Variants in MCU observed in about 807,000 individuals in gnomAD.
MCU encodes the protein calcium uniporter protein, mitochondrial.
In MCU, 12 loss-of-function variants were observed where a neutral mutation model predicts 45.2. That is an observed-to-expected ratio of 0.27 (90% confidence interval 0.17 to 0.43). The LOEUF is 0.43. Among genes scored for constraint, MCU ranks in the 20% least tolerant of loss-of-function variants. The pLI, the probability that MCU is intolerant of heterozygous loss-of-function variation, is 1.00. For synonymous variants in MCU, 160 were observed against 165.1 expected, an observed-to-expected ratio of 0.97 and a Z score of 0.24; for missense variants, 324 against 436.7, an observed-to-expected ratio of 0.74 and a Z score of 2.30.
rs148841120 is a variant in MCU, at chr10:72,727,856, A to G, written c.150+35555A>G. 7.2e-5 allele frequency among the ~76,000 whole-genome samples: 11 copies of G among 152,236 alleles called. No homozygotes were observed. The East Asian group carries it at 2.1e-3, about 29-fold the overall frequency. On this transcript the variant is annotated intron_variant, in intron 1 of 7. Transcript: ENST00000373053. ...AAAAAATGTATGAAGAATGAATCAG[A>G]TCTCTTAGTTGAAATGACAAAGCCC...
chr10:72,865,943 A>AT (rs542186937), intron 4 of MCU, among the ~76,000 whole-genome samples: 1 of 151,178 alleles, frequency 6.6e-6, no homozygotes, highest in Non-Finnish European at 1.5e-5. Context: ...TGCCTGGCTA[A>AT]TTTTTTTGTA....
chr10:72,697,594 C>T (rs576975660), intron 1 of MCU, among the ~76,000 whole-genome samples: 9 of 151,792 alleles, frequency 5.9e-5, no homozygotes, highest in South Asian at 2.1e-4. Context: ...CCACCACGCC[C>T]GGCTAATGTT....
intron 4 of MCU, 80 bp from the exon 5 acceptor site, chr10:72,868,623 G>T: frequency 1.6e-6 from 2 of 1,278,852 alleles, no homozygotes; most frequent in Non-Finnish European, 2.2e-6. Context: ...TATAATGGAT[G>T]AATCTGCCTC....
intron 1 of MCU, among the ~76,000 whole-genome samples, chr10:72,796,290 T>C (rs2132771271): frequency 6.6e-6 from 1 of 151,760 alleles, no homozygotes; most frequent in African/African-American, 2.4e-5. Context: ...AAAAGGAAAA[T>C]TGGCCAGGTG....
intron 1 of MCU, among the ~76,000 whole-genome samples, chr10:72,751,695 C>G (rs966915128): frequency 6.6e-6 from 1 of 151,678 alleles, no homozygotes; most frequent in African/African-American, 2.4e-5. Flanking sequence ...CACAGGTTCC[C>G]GAGGGTCTGG....
At chr10:72,716,824 G>A (rs746103533) in intron 1 of MCU, among the ~76,000 whole-genome samples, 3 of 152,088 alleles carry the variant, frequency 2.0e-5, no homozygotes, top group Non-Finnish European at 2.9e-5. Flanking sequence ...AGTGAGCTGT[G>A]ATCACGCCAT....
chr10:72,824,497 C>T (rs1181942863), intron 1 of MCU, among the ~76,000 whole-genome samples: 1 of 151,924 alleles, frequency 6.6e-6, no homozygotes, highest in Admixed American at 6.6e-5. Context: ...GCGTGAGGCA[C>T]CGCGCCCGGC....
chr10:72,732,337 C>A (rs999995711), intron 1 of MCU, among the ~76,000 whole-genome samples: 5 of 152,134 alleles, frequency 3.3e-5, no homozygotes, highest in Non-Finnish European at 5.9e-5. Flanking sequence ...GGCATCTATT[C>A]ATTTAGTTAA....
At chr10:72,820,958 G>A (rs979203624) in intron 1 of MCU, among the ~76,000 whole-genome samples, 3 of 151,730 alleles carry the variant, frequency 2.0e-5, no homozygotes, top group Non-Finnish European at 2.9e-5. Context: ...AGACTCCAGA[G>A]AATAATCTGC....
chr10:72,785,057 C>CCA (rs1228044300), intron 1 of MCU, among the ~76,000 whole-genome samples: 6 of 152,156 alleles, frequency 3.9e-5, no homozygotes, highest in African/African-American at 1.4e-4. Context: ...TTTTCCTTTT[C>CCA]CAGGGCTCTT....
At chr10:72,864,260 G>A (rs1845420916) in intron 4 of MCU, among the ~76,000 whole-genome samples, 1 of 152,082 alleles carries the variant, frequency 6.6e-6, no homozygotes, top group East Asian at 1.9e-4. Flanking sequence ...AGTAAAAATT[G>A]ATCTCCTGCA....
chr10:72,749,912 G>T (rs575457680), intron 1 of MCU, among the ~76,000 whole-genome samples: 108 of 151,638 alleles, frequency 7.1e-4, no homozygotes, highest in Admixed American at 1.8e-3. Flanking sequence ...GACTACAGGC[G>T]TGTGCTACCA....
chr10:72,750,343 T>C (rs1843476818), intron 1 of MCU, among the ~76,000 whole-genome samples: 2 of 152,216 alleles, frequency 1.3e-5, no homozygotes, highest in South Asian at 4.1e-4. Context: ...GATGTTTCCT[T>C]TTAATTGTGT....
At chr10:72,867,723 T>C (rs887256913) in intron 4 of MCU, among the ~76,000 whole-genome samples, 1 of 151,740 alleles carries the variant, frequency 6.6e-6, no homozygotes, top group Non-Finnish European at 1.5e-5. Flanking sequence ...GGCATGGTGG[T>C]GGGCGCCTGT....
chr10:72,754,802 C>A (rs1266191715), intron 1 of MCU, among the ~76,000 whole-genome samples: 3 of 152,042 alleles, frequency 2.0e-5, no homozygotes, highest in Non-Finnish European at 2.9e-5. Context: ...TGCACTCCAG[C>A]CTGGGCTTAG....
chr10:72,735,510 C>T (rs1466545325), intron 1 of MCU, among the ~76,000 whole-genome samples: 2 of 152,024 alleles, frequency 1.3e-5, no homozygotes, highest in Non-Finnish European at 2.9e-5. Context: ...GCATGGTGTC[C>T]AGAATGAGGA....
At chr10:72,807,625 T>G (rs1844472224) in intron 1 of MCU, among the ~76,000 whole-genome samples, 1 of 152,166 alleles carries the variant, frequency 6.6e-6, no homozygotes, top group Non-Finnish European at 1.5e-5. Flanking sequence ...TTTACTTCTT[T>G]CACCATATAC....
intron 1 of MCU, among the ~76,000 whole-genome samples, chr10:72,710,844 T>G (rs1842883532): frequency 6.6e-6 from 1 of 152,080 alleles, no homozygotes; most frequent in Non-Finnish European, 1.5e-5. Context: ...TACACCTATC[T>G]TATATAGTTT....
intron 2 of MCU, among the ~76,000 whole-genome samples, chr10:72,835,609 TAG>T (rs1844945271): frequency 6.6e-6 from 1 of 152,172 alleles, no homozygotes; most frequent in Non-Finnish European, 1.5e-5. Flanking sequence ...CGTGAATTTA[TAG>T]ACAGTGTGCT....
Sources: allele counts gnomAD v4.1 joint callset (sites outside exome capture counted in the v4.1 genomes callset), GRCh38; gene constraint gnomAD v4.1.1; transcripts MANE v1.5; gene names NCBI Gene and HGNC (gene_info 2026-07-23, HGNC 2026-07-21).